The following EXOSC9 variants were observed in gnomAD, a reference collection of about 807,000 sequenced individuals.
EXOSC9 encodes the protein exosome complex component RRP45.
In EXOSC9, 38 loss-of-function variants were observed where a neutral mutation model predicts 56.5. That is an observed-to-expected ratio of 0.67 (90% CI 0.52 to 0.88). The LOEUF (loss-of-function observed/expected upper bound fraction) is 0.88, where lower values mean the gene tolerates loss of function less well. Ranked by LOEUF, EXOSC9 falls within the 40% of genes least tolerant of loss-of-function variation. The probability of loss-of-function intolerance (pLI) is 0.00; values close to 1 mark genes in which losing one functional copy is unlikely to be tolerated. For synonymous variants in EXOSC9, 170 were observed against 170.8 expected (o/e 0.99, Z 0.04); for missense variants, 559 against 530.5 (o/e 1.05, Z -0.53).
chr4:121,803,549 T>C (rs1726930887), intron 4 of EXOSC9, among the ~76,000 whole-genome samples: 1 of 152,144 alleles, frequency 6.6e-6, no homozygotes. Flanking sequence ...TTATTTTGTT[T>C]TATTTTTTTG....
At chr4:121,804,440 C>T in intron 4 of EXOSC9, 182 bp from the exon 5 acceptor site, 1 of 466,642 alleles carries the variant, frequency 2.1e-6, no homozygotes, top group Non-Finnish European at 3.8e-6. Context: ...AAACGACCCA[C>T]ATAGTATTTC....
chr4:121,802,018 C>T (rs915245302), intron 2 of EXOSC9, 97 bp downstream of exon 2: 192 of 872,958 alleles, frequency 2.2e-4, no homozygotes, highest in Non-Finnish European at 2.1e-4. Context: ...GAAGTCTGGA[C>T]AGTATTCTTT....
At chr4:121,807,206 C>A (rs1425090983) in intron 5 of EXOSC9, among the ~76,000 whole-genome samples, 1 of 152,122 alleles carries the variant, frequency 6.6e-6, no homozygotes, top group Non-Finnish European at 1.5e-5. Context: ...AGGAGAATCG[C>A]ATGAGCCCAG....
At chr4:121,812,808 A>G (rs1724291438) in intron 8 of EXOSC9, among the ~76,000 whole-genome samples, 1 of 152,030 alleles carries the variant, frequency 6.6e-6, no homozygotes, top group Admixed American at 6.5e-5. Flanking sequence ...ATTTTTCTTT[A>G]GCAGTTAACA....
intron 4 of EXOSC9, among the ~76,000 whole-genome samples, chr4:121,804,070 A>G (rs1334650946): frequency 6.6e-6 from 1 of 152,072 alleles, no homozygotes; most frequent in African/African-American, 2.4e-5. Context: ...GTGTCATTAT[A>G]GCTCACTGTA....
chr4:121,816,321 A>G (rs1305566241), intron 10 of EXOSC9, 48 bp from the exon 11 acceptor site: 1 of 1,075,104 alleles, frequency 9.3e-7, no homozygotes, highest in Non-Finnish European at 1.3e-6. Flanking sequence ...ATTTTGCAAG[A>G]GATTGCTTAA....
intron 7 of EXOSC9, among the ~76,000 whole-genome samples, chr4:121,810,387 A>G (rs1466154140): frequency 1.3e-5 from 2 of 152,074 alleles, no homozygotes; most frequent in African/African-American, 4.8e-5. Context: ...TATTAAAAAA[A>G]AAAAAAAAGT....
chr4:121,809,858 C>G, intron 6 of EXOSC9, 109 bp from the exon 7 acceptor site: 1 of 1,290,296 alleles, frequency 7.8e-7, no homozygotes, highest in Admixed American at 1.8e-5. Flanking sequence ...AGGCTCAGAC[C>G]TTTATTCTCT....
At chr4:121,810,983 C>T (rs1727194639) in intron 7 of EXOSC9, among the ~76,000 whole-genome samples, 1 of 152,184 alleles carries the variant, frequency 6.6e-6, no homozygotes, top group Non-Finnish European at 1.5e-5. Context: ...ATCATATTCA[C>T]ATGGGAGCTT....
chr4:121,804,523 A>G (rs1029096268), intron 4 of EXOSC9, 99 bp from the exon 5 acceptor site: 17 of 779,848 alleles, frequency 2.2e-5, no homozygotes, highest in African/African-American at 8.6e-5. Flanking sequence ...GTGTTTTAAC[A>G]GCAAGAAAAA....
At chr4:121,808,661 C>T (rs1050773054) in intron 6 of EXOSC9, among the ~76,000 whole-genome samples, 2 of 151,666 alleles carry the variant, frequency 1.3e-5, no homozygotes, top group African/African-American at 2.4e-5. Context: ...CCATGCCTGG[C>T]TGTTTCTTTT....
At position 121,809,982 on chromosome 4, in the gene EXOSC9, G is replaced by T. The variant is rs775997265; in HGVS notation, c.621G>T (p.Val207=). The T allele has an allele frequency of 6.2e-7, 1 of 1,614,032 alleles. No individual in the cohort carries two copies. Among genetic ancestry groups the T allele is most frequent in the South Asian group, 1.1e-5 (1 of 91,074 alleles). ...TTCATTTCAGAACATATTTATTGGT[G>T]GATCCCAATGAACGAGAAGAACGTG... ...AFFQQGTYLL[V]DPNEREERVM... is the part of the protein sequence containing the mutation. Residue 207 remains valine, a synonymous_variant, in exon 7 of 12, where the codon GTG becomes GTT. Coordinates refer to ENST00000243498, the MANE Select transcript of EXOSC9 (RefSeq NM_005033.3).
At chr4:121,801,761 CAA>C (rs1212041018) in intron 1 of EXOSC9, 64 bp from the exon 2 acceptor site, 2 of 1,405,682 alleles carry the variant, frequency 1.4e-6, no homozygotes, top group Non-Finnish European at 2.0e-6. Flanking sequence ...CAGGGCCAGA[CAA>C]AAAGTAGTTG....
chr4:121,815,327 A>G (rs903732247), intron 10 of EXOSC9: 1 of 967,264 alleles, frequency 1.0e-6, no homozygotes, highest in African/African-American at 1.8e-5. Context: ...GCACTTGCAT[A>G]TACCTCTTAT....
intron 10 of EXOSC9, 35 bp from the exon 11 acceptor site, chr4:121,816,332 CTT>C (rs35942869): frequency 4.7e-3 from 4,426 of 946,172 alleles, no homozygotes; most frequent in East Asian, 0.018. Flanking sequence ...GATTGCTTAA[CTT>C]TTTTTTTTTT....
chr4:121,809,881 G>A (rs979631212), intron 6 of EXOSC9, 86 bp from the exon 7 acceptor site: 2 of 1,477,714 alleles, frequency 1.4e-6, no homozygotes, highest in Admixed American at 1.7e-5. Flanking sequence ...TGACTTTATT[G>A]ATGCCATCTT....
chr4:121,814,092 T>C lies in EXOSC9; in HGVS notation c.1156+45T>C, dbSNP rs551366532. On this transcript the variant is annotated intron_variant, in intron 10 of 11. Transcript: ENST00000243498. Reference sequence around the variant, plus strand: ...ACACTTACTATATATTACATACATATAGTATTACCGTATAGTTATATATAT... The same window carrying C: ...ACACTTACTATATATTACATACATACAGTATTACCGTATAGTTATATATAT... 73 of 1,170,662 alleles carry C rather than the reference T, an allele frequency of 6.2e-5. No individual in the cohort carries two copies. The African/African-American group carries it at 8.8e-4, about 14-fold the overall frequency. 72.5% of individuals were successfully genotyped at this position (1,170,662 alleles called of 1,614,324 possible). A position where few individuals can be genotyped will look rare whatever the true frequency, so the allele number is the denominator to read the frequency against.
chr4:121,814,908 T>G (rs1724432908), intron 10 of EXOSC9: 1 of 152,208 alleles, frequency 6.6e-6, no homozygotes, highest in Non-Finnish European at 1.5e-5. Flanking sequence ...TGACTTATTT[T>G]CTTACGTGGT....
rs1486977836 is a variant in EXOSC9, at chr4:121,807,567, C to T, written c.550C>T (p.Pro184Ser). The T allele has an allele frequency of 1.9e-6, 3 of 1,612,534 alleles. No individual in the cohort carries two copies. Among genetic ancestry groups the T allele is most frequent in the Non-Finnish European group, 2.5e-6 (3 of 1,178,778 alleles). ...TACACCTGAAGAGCGTGATCCTGTA[C>T]CATTAAGTATCCACCACATGCCCAT... ...LYTPEERDPV[P>S]LSIHHMPICV... The change falls in exon 6 of 12, where the codon CCA becomes TCA. Residue 184 changes from proline (P) to serine (S), a missense_variant. Pro to Ser is a moderately conservative substitution (Grantham distance 74). Coordinates refer to ENST00000243498, the MANE Select transcript of EXOSC9 (RefSeq NM_005033.3).
Sources: gnomAD v4.1 joint callset for allele counts (sites outside exome capture counted in the v4.1 genomes callset) on GRCh38, gnomAD v4.1.1 for gene constraint, MANE v1.5 for transcripts, NCBI Gene and HGNC (gene_info 2026-07-23, HGNC 2026-07-21) for gene names.